VWA8: variants seen among roughly 807,000 people sequenced by gnomAD.
The protein encoded by VWA8 is von Willebrand factor A domain-containing protein 8.
Under a neutral mutation model 241.5 loss-of-function variants are expected in VWA8, and 221 were observed. The ratio of observed to expected loss-of-function variants is 0.91; its 90% confidence interval spans 0.82 to 1.02. The LOEUF is 1.02. Among genes scored for constraint, VWA8 ranks in the 50% least tolerant of loss-of-function variants. The pLI, the probability that VWA8 is intolerant of heterozygous loss-of-function variation, is 0.00. For synonymous variants in VWA8, 852 were observed against 827.1 expected (o/e 1.03, Z -0.52); for missense variants, 2,322 against 2,328.7 (o/e 1.00, Z 0.06).
At chr13:41,911,565 TA>T (rs1159820154) in intron 3 of VWA8, among the ~76,000 whole-genome samples, 1 of 152,160 alleles carries the variant, frequency 6.6e-6, no homozygotes, top group African/African-American at 2.4e-5. Flanking sequence ...CTCATCTATT[TA>T]AAGAAAAAAC....
intron 24 of VWA8, among the ~76,000 whole-genome samples, chr13:41,725,291 T>C (rs2045423720): frequency 1.3e-5 from 2 of 152,082 alleles, no homozygotes; most frequent in East Asian, 3.8e-4. Flanking sequence ...CTCATACATT[T>C]GAAGAGTTAT....
intron 42 of VWA8, among the ~76,000 whole-genome samples, chr13:41,582,261 A>G (rs1267042549): frequency 6.6e-6 from 1 of 152,260 alleles, no homozygotes; most frequent in East Asian, 1.9e-4. Context: ...GGTCATGATA[A>G]TGTGGAATAA....
intron 2 of VWA8, among the ~76,000 whole-genome samples, chr13:41,934,976 A>G (rs1328738684): frequency 6.6e-6 from 1 of 152,072 alleles, no homozygotes; most frequent in Non-Finnish European, 1.5e-5. Flanking sequence ...AGGCTTATGG[A>G]CAATTTTGGT....
intron 18 of VWA8, among the ~76,000 whole-genome samples, chr13:41,787,033 A>G (rs1015717444): frequency 6.6e-6 from 1 of 151,258 alleles, no homozygotes; most frequent in Non-Finnish European, 1.5e-5. Flanking sequence ...TTTCTCCAAC[A>G]TATCTTATAG....
At chr13:41,646,637 G>A (rs1000226829) in intron 37 of VWA8, among the ~76,000 whole-genome samples, 13 of 152,012 alleles carry the variant, frequency 8.6e-5, no homozygotes, top group Non-Finnish European at 1.6e-4. Flanking sequence ...ATTCTTGATA[G>A]TACAAAATTC....
chr13:41,887,246 G>A lies in VWA8; in HGVS notation c.767C>T (p.Pro256Leu). The change falls in exon 6 of 45, where the codon CCT becomes CTT. Residue 256 changes from proline (P) to leucine (L), a missense_variant. Physicochemically the swap from Pro to Leu is moderately conservative, Grantham distance 98 (BLOSUM62 -3). Transcript: ENST00000379310. ...PRYSGNPLDP[P>L]LRSRFQARDI... is the part of the protein sequence containing the mutation. Reference sequence around the variant, plus strand: ...CCTGGCTTGAAATCGAGAACGAAGAGGGGGGTCTAATGGATTCCCAGAATA... The same window carrying A: ...CCTGGCTTGAAATCGAGAACGAAGAAGGGGGTCTAATGGATTCCCAGAATA... The A allele has an allele frequency of 2.5e-6, 4 of 1,613,362 alleles. No individual in the cohort carries two copies. The highest frequency in any genetic ancestry group is 1.3e-5 in the African/African-American group (1 of 74,992).
intron 37 of VWA8, among the ~76,000 whole-genome samples, chr13:41,656,676 T>C (rs2044908356): frequency 1.3e-5 from 2 of 152,198 alleles, no homozygotes; most frequent in Non-Finnish European, 2.9e-5. Flanking sequence ...ATTGGCCTAA[T>C]TACCATATAT....
chr13:41,795,668 G>A (rs1031496351), intron 17 of VWA8, among the ~76,000 whole-genome samples: 8 of 152,162 alleles, frequency 5.3e-5, no homozygotes, highest in South Asian at 4.1e-4. Flanking sequence ...ACTGGAAGCC[G>A]TTATCCTCCA....
At position 41,732,204 on chromosome 13, in the gene VWA8, G is replaced by A. The variant is rs76726929; in HGVS notation, c.2427-49C>T. ...ATAGTTAGGAAGGAAATAAGCTGATGATTGATCATGATAAAAATACAGCAC... is the reference window on the plus strand; with the variant it reads ...ATAGTTAGGAAGGAAATAAGCTGATAATTGATCATGATAAAAATACAGCAC... On this transcript the variant is annotated intron_variant, in intron 21 of 44. Coordinates refer to ENST00000379310, the MANE Select transcript of VWA8 (RefSeq NM_015058.2). 3.4e-4 allele frequency: 520 copies of A among 1,533,784 alleles called. 2 individuals carry two copies. The African/African-American group carries it at 6.2e-3, about 18-fold the overall frequency.
chr13:41,579,151 T>C (rs2044367714), intron 42 of VWA8, among the ~76,000 whole-genome samples: 1 of 152,244 alleles, frequency 6.6e-6, no homozygotes. Flanking sequence ...TATGCTTTAT[T>C]ATGCGGCCAC....
intron 2 of VWA8, among the ~76,000 whole-genome samples, chr13:41,923,133 T>A (rs1055284042): frequency 6.6e-6 from 1 of 152,108 alleles, no homozygotes; most frequent in African/African-American, 2.4e-5. Flanking sequence ...ATGTCCTTTG[T>A]AGGGACATGG....
At chr13:41,733,468 A>G (rs2045501131) in intron 21 of VWA8, among the ~76,000 whole-genome samples, 1 of 152,198 alleles carries the variant, frequency 6.6e-6, no homozygotes, top group Admixed American at 6.5e-5. Context: ...GAACACTTGG[A>G]AAGTGTATAA....
At chr13:41,808,272 C>T (rs1870310631) in intron 17 of VWA8, among the ~76,000 whole-genome samples, 3 of 152,032 alleles carry the variant, frequency 2.0e-5, no homozygotes, top group African/African-American at 2.4e-5. Flanking sequence ...CGTTTTTGTA[C>T]GACTATAAAG....
Position 41,833,402 on chromosome 13 carries a change from C to G in VWA8, c.1555G>C (p.Val519Leu). Residue 519 changes from valine (V) to leucine (L), a missense_variant, in exon 13 of 45, where the codon GTG (valine) becomes CTG (leucine). Transcript: ENST00000379310. ...KLVLLDGIHRVNAGTLAVLQR... is the reference protein window; with the variant it reads ...KLVLLDGIHRLNAGTLAVLQR... The stretch of plus-strand genomic sequence containing the variant: ...AATACAGCAAGCGTGCCCGCATTCA[C>G]CCGGTGAATGCCATCCAGCAGGACC... 6.2e-7 allele frequency: 1 copy of G among 1,613,504 alleles called. No individual in the cohort carries two copies. The highest frequency in any genetic ancestry group is 8.5e-7 in the Non-Finnish European group (1 of 1,179,758).
chr13:41,870,670 G>A (rs7339264), intron 9 of VWA8, among the ~76,000 whole-genome samples: 36,686 of 150,484 alleles, frequency 0.24, 5,304 homozygotes, highest in Non-Finnish European at 0.31. Flanking sequence ...AATTTAGAAC[G>A]AAGATTCATT....
intron 9 of VWA8, among the ~76,000 whole-genome samples, chr13:41,882,631 G>A (rs1191680131): frequency 9.8e-5 from 15 of 152,326 alleles, no homozygotes; most frequent in South Asian, 8.3e-4. Flanking sequence ...GCGAAACCCC[G>A]TCTCCACCAA....
At chr13:41,689,559 T>C in intron 33 of VWA8, 51 bp from the exon 34 acceptor site, 1 of 1,436,610 alleles carries the variant, frequency 7.0e-7, no homozygotes, top group East Asian at 2.5e-5. Flanking sequence ...GCTCCAGGAA[T>C]TAATTTTTTG....
At chr13:41,829,961 G>A (rs919203295) in intron 14 of VWA8, among the ~76,000 whole-genome samples, 5 of 151,962 alleles carry the variant, frequency 3.3e-5, no homozygotes, top group African/African-American at 4.8e-5. Flanking sequence ...AATCACTGTC[G>A]GCCGGGCACA....
At chr13:41,841,810 A>AT (rs1872039093) in intron 12 of VWA8, among the ~76,000 whole-genome samples, 1 of 31,496 alleles carries the variant, frequency 3.2e-5, no homozygotes, top group African/African-American at 8.3e-5. Context: ...AAAAAAAAAA[A>AT]AAAAAAAAAA....
Sources: gnomAD v4.1 joint callset for allele counts (sites outside exome capture counted in the v4.1 genomes callset) on GRCh38, gnomAD v4.1.1 for gene constraint, MANE v1.5 for transcripts, NCBI Gene and HGNC (gene_info 2026-07-23, HGNC 2026-07-21) for gene names.